Variants in TFPI observed in about 807,000 individuals in gnomAD.
TFPI encodes anti-convertin.
In TFPI, 15 loss-of-function variants were observed where a neutral mutation model predicts 34.6. That is an observed-to-expected ratio of 0.43 (90% CI 0.29 to 0.67). The LOEUF (loss-of-function observed/expected upper bound fraction) is 0.67. Ranked by LOEUF, TFPI falls within the 30% of genes least tolerant of loss-of-function variation. The probability of loss-of-function intolerance (pLI) is 0.15; values close to 1 mark genes in which losing one functional copy is unlikely to be tolerated. For missense variants in TFPI, 301 were observed against 364.0 expected (o/e 0.83, Z 1.41); for synonymous variants, 105 against 120.1 (o/e 0.87, Z 0.82).
intron 1 of TFPI, among the ~76,000 whole-genome samples, chr2:187,536,246 A>T (rs1276315646): frequency 6.6e-6 from 1 of 152,240 alleles, no homozygotes; most frequent in Non-Finnish European, 1.5e-5. Flanking sequence ...GGCCAGCATC[A>T]TCCTGATACC....
intron 6 of TFPI, among the ~76,000 whole-genome samples, chr2:187,473,600 A>G (rs1202208870): frequency 6.6e-6 from 1 of 152,126 alleles, no homozygotes; most frequent in African/African-American, 2.4e-5. Context: ...GTCCTGAGGT[A>G]ATAGATAAAA....
Position 187,484,357 on chromosome 2 carries a change from C to T in TFPI, c.536-141G>A, listed in dbSNP as rs1693101552. The T allele has an allele frequency of 6.3e-6, 4 of 637,100 alleles. No individual in the cohort carries two copies. The South Asian group carries it at 8.7e-5, about 14-fold the overall frequency. 39.5% of individuals were successfully genotyped at this position (637,100 alleles called of 1,614,324 possible). ...TATGTTAAATTAGCAAACAGTGAATCTTTAAATATAATTGTAAGGTAATAT... is the reference window on the plus strand; with the variant it reads ...TATGTTAAATTAGCAAACAGTGAATTTTTAAATATAATTGTAAGGTAATAT... On this transcript the variant is annotated intron_variant, in intron 5 of 7. Transcript: ENST00000233156.
chr2:187,539,767 G>A (rs1052732432), intron 1 of TFPI, among the ~76,000 whole-genome samples: 8 of 152,134 alleles, frequency 5.3e-5, no homozygotes, highest in Non-Finnish European at 7.3e-5. Flanking sequence ...GTGGAGGAGA[G>A]GAGGGATTGT....
At chr2:187,514,267 A>C (rs1370833758) in intron 1 of TFPI, 2 of 152,252 alleles carry the variant, frequency 1.3e-5, no homozygotes, top group Non-Finnish European at 2.9e-5. Flanking sequence ...ATGTTAAACA[A>C]AAGCAATTGT....
At position 187,466,838 on chromosome 2, in the gene TFPI, TATTA is replaced by T; in HGVS notation, c.*94_*97del. 1 of 661,406 alleles carries T rather than the reference TATTA, an allele frequency of 1.5e-6. No individual in the cohort carries two copies. Among genetic ancestry groups the T allele is most frequent in the South Asian group, 2.1e-5 (1 of 46,858 alleles). The allele number at this position is 661,406 out of a possible 1,614,324, so 41.0% of individuals were successfully genotyped here. ...ATAAGCATAGAAAATTTAATGAACA[TATTA>T]ATTAAAAGCATTTTAGAAGAAAAAT... On this transcript the variant is annotated 3_prime_UTR_variant, in exon 8 of 8. Coordinates refer to ENST00000233156, the MANE Select transcript of TFPI (RefSeq NM_006287.6).
intron 3 of TFPI, among the ~76,000 whole-genome samples, chr2:187,494,813 C>T (rs1685360016): frequency 6.6e-6 from 1 of 152,086 alleles, no homozygotes; most frequent in Non-Finnish European, 1.5e-5. Context: ...ACGTCTGGCT[C>T]CTGGTTTTAA....
rs952228279 is a variant in TFPI at position 187,526,386 on chromosome 2, A to T, written c.-2-22616T>A. Among the ~76,000 whole-genome samples, 43 of 152,162 alleles carry T rather than the reference A, an allele frequency of 2.8e-4. 1 individual carries two copies. Among genetic ancestry groups the T allele is most frequent in the Admixed American group, 2.7e-3 (41 of 15,268 alleles). ...TCCATTGGAGCTAAAATATTTTGGC[A>T]ATTTGGCTTTGGTGGCCAGAAGAAA... On this transcript the variant is annotated intron_variant, in intron 1 of 7. Coordinates refer to ENST00000233156, the MANE Select transcript of TFPI (RefSeq NM_006287.6).
intron 1 of TFPI, among the ~76,000 whole-genome samples, chr2:187,508,077 C>G (rs1398036639): frequency 6.6e-6 from 1 of 152,128 alleles, no homozygotes; most frequent in African/African-American, 2.4e-5. Context: ...AATCCTTTCC[C>G]CATTGCTTAT....
At chr2:187,494,566 G>T (rs1003435252) in intron 3 of TFPI, among the ~76,000 whole-genome samples, 3 of 152,136 alleles carry the variant, frequency 2.0e-5, no homozygotes, top group Non-Finnish European at 4.4e-5. Context: ...TTATGTTGGG[G>T]AGAGAAAGTC....
chr2:187,484,947 T>TA lies in TFPI; in HGVS notation c.398dup (p.Cys134MetfsTer11). 1 of 1,530,112 alleles carries TA rather than the reference T, an allele frequency of 6.5e-7. No individual in the cohort carries two copies. The highest frequency in any genetic ancestry group is 8.8e-7 in the Non-Finnish European group (1 of 1,142,618). The allele number at this position is 1,530,112 out of a possible 1,614,324, so 94.8% of individuals were successfully genotyped here. On this transcript the variant is annotated frameshift_variant, in exon 5 of 8. Coordinates refer to ENST00000233156, the MANE Select transcript of TFPI (RefSeq NM_006287.6). LOFTEE classifies it high-confidence loss of function. ...AATACCTGGTAATATAACCTCGACATATTCCAGGATCTTCTTCCAAAAAGC... is the reference window on the plus strand; with the variant it reads ...AATACCTGGTAATATAACCTCGACATAATTCCAGGATCTTCTTCCAAAAAGC...
chr2:187,484,354 AATCTT>A (rs1444859733), intron 5 of TFPI, 138 bp from the exon 6 acceptor site: 1 of 640,832 alleles, frequency 1.6e-6, no homozygotes. Flanking sequence ...GCAAACAGTG[AATCTT>A]TAAATATAAT....
At chr2:187,505,591 G>T (rs1050569570) in intron 1 of TFPI, among the ~76,000 whole-genome samples, 1 of 152,100 alleles carries the variant, frequency 6.6e-6, no homozygotes, top group African/African-American at 2.4e-5. Context: ...CATGAACAAT[G>T]AACTGTCCTG....
Position 187,534,894 on chromosome 2 carries a change from C to CAA in TFPI, c.-3+19304_-3+19305dup, listed in dbSNP as rs141872954. Among the ~76,000 whole-genome samples the CAA allele has an allele frequency of 1.7e-3, 242 of 138,802 alleles. 2 individuals are homozygous for CAA. The highest frequency in any genetic ancestry group is 7.5e-3 in the Middle Eastern group (2 of 268). The allele number at this position is 138,802 out of a possible 152,430, so 91.1% of individuals were successfully genotyped here. A position where few individuals can be genotyped will look rare whatever the true frequency, so the allele number is the denominator to read the frequency against. The stretch of plus-strand genomic sequence containing the variant: ...GAATATTGACCAAGCAAATGGAAAG[C>CAA]AAAAAAAAAAATAAAAAAATAAAAA... On this transcript the variant is annotated intron_variant, in intron 1 of 7. Transcript: ENST00000233156.
At chr2:187,552,668 T>A (rs1222433792) in intron 1 of TFPI, among the ~76,000 whole-genome samples, 1 of 151,904 alleles carries the variant, frequency 6.6e-6, no homozygotes, top group African/African-American at 2.4e-5. Flanking sequence ...TAGTCATTGG[T>A]GGTAAAACAA....
intron 3 of TFPI, among the ~76,000 whole-genome samples, chr2:187,491,879 T>C (rs8176483): frequency 0.019 from 2,934 of 152,286 alleles, 90 homozygotes; most frequent in African/African-American, 0.066. Context: ...TTTTGACTTT[T>C]TAATAGTAGC....
chr2:187,480,425 A>T (rs1692765476), intron 6 of TFPI, among the ~76,000 whole-genome samples: 1 of 152,148 alleles, frequency 6.6e-6, no homozygotes, highest in African/African-American at 2.4e-5. Flanking sequence ...ACTTAGTACT[A>T]TAATATTACC....
intron 1 of TFPI, among the ~76,000 whole-genome samples, chr2:187,505,730 C>T (rs564245104): frequency 6.6e-6 from 1 of 152,208 alleles, no homozygotes; most frequent in African/African-American, 2.4e-5. Context: ...TGGACCAATC[C>T]ATTTGAGTTG....
At chr2:187,545,624 G>A (rs10179730) in intron 1 of TFPI, among the ~76,000 whole-genome samples, 130,324 of 152,102 alleles carry the variant, frequency 0.86, 56,008 homozygotes, top group Middle Eastern at 0.96. Context: ...TTTCCTTTTT[G>A]TCACCTAAAG....
intron 1 of TFPI, among the ~76,000 whole-genome samples, chr2:187,512,277 T>TAAAAAAAA (rs143585752): frequency 1.8e-5 from 2 of 110,314 alleles, no homozygotes; most frequent in Non-Finnish European, 3.8e-5. Flanking sequence ...TATCCTAAGT[T>TAAAAAAAA]AAAAAAAAAA....
Sources: allele counts gnomAD v4.1 joint callset (sites outside exome capture counted in the v4.1 genomes callset), GRCh38; gene constraint gnomAD v4.1.1; transcripts MANE v1.5; gene names NCBI Gene and HGNC (gene_info 2026-07-23, HGNC 2026-07-21).